PDZRN3: variants seen among roughly 807,000 people sequenced by gnomAD.
PDZRN3 encodes E3 ubiquitin-protein ligase PDZRN3.
Under a neutral mutation model 85.7 loss-of-function variants are expected in PDZRN3, and 38 were observed. The observed-to-expected ratio is 0.44, with a 90% confidence interval of 0.34 to 0.58. PDZRN3 has a LOEUF of 0.58. Among genes scored for constraint, PDZRN3 ranks in the 20% least tolerant of loss-of-function variants. PDZRN3 has a pLI of 0.01. For synonymous variants in PDZRN3, 759 were observed against 638.0 expected, an observed-to-expected ratio of 1.19 and a Z score of -2.86; for missense variants, 1,629 against 1,506.4, an observed-to-expected ratio of 1.08 and a Z score of -1.35.
chr3:73,414,187 G>A (rs970351343), intron 3 of PDZRN3, among the ~76,000 whole-genome samples: 2 of 152,124 alleles, frequency 1.3e-5, no homozygotes, highest in African/African-American at 2.4e-5. Context: ...TTTTTGAAGC[G>A]CCTGAATCTT....
At chr3:73,592,924 A>G (rs996838415) in intron 3 of PDZRN3, among the ~76,000 whole-genome samples, 1 of 152,172 alleles carries the variant, frequency 6.6e-6, no homozygotes, top group South Asian at 2.1e-4. Flanking sequence ...TAGCTCCACA[A>G]TGATGTCTGC....
intron 3 of PDZRN3, among the ~76,000 whole-genome samples, chr3:73,425,017 A>T (rs1344948496): frequency 7.0e-6 from 1 of 143,432 alleles, no homozygotes; most frequent in Non-Finnish European, 1.5e-5. Flanking sequence ...ATCCATCAGT[A>T]TTTTTTTTTT....
At chr3:73,498,461 C>T (rs780359861) in intron 3 of PDZRN3, among the ~76,000 whole-genome samples, 2 of 152,098 alleles carry the variant, frequency 1.3e-5, no homozygotes, top group South Asian at 2.1e-4. Flanking sequence ...GAAAAATGGT[C>T]GAGTACTTTT....
At chr3:73,573,795 A>G (rs1365203837) in intron 3 of PDZRN3, among the ~76,000 whole-genome samples, 1 of 146,632 alleles carries the variant, frequency 6.8e-6, no homozygotes, top group Admixed American at 7.0e-5. Context: ...ACATATACAT[A>G]TACATACACA....
intron 3 of PDZRN3, among the ~76,000 whole-genome samples, chr3:73,525,902 G>A (rs1575709409): frequency 6.6e-6 from 1 of 152,084 alleles, no homozygotes; most frequent in African/African-American, 2.4e-5. Flanking sequence ...TGTTTGCTTC[G>A]CTTCTGTCCT....
chr3:73,520,016 G>A (rs1264436808), intron 3 of PDZRN3, among the ~76,000 whole-genome samples: 1 of 152,138 alleles, frequency 6.6e-6, no homozygotes, highest in East Asian at 1.9e-4. Flanking sequence ...TGCAAAACCT[G>A]CATCCCATCC....
chr3:73,598,428 G>T (rs907809373), intron 3 of PDZRN3, among the ~76,000 whole-genome samples: 13 of 152,208 alleles, frequency 8.5e-5, no homozygotes, highest in African/African-American at 2.9e-4. Flanking sequence ...GGTGGGGTCG[G>T]AAGTTGTAAA....
intron 3 of PDZRN3, among the ~76,000 whole-genome samples, chr3:73,590,287 G>T: frequency 1.7e-5 from 2 of 117,756 alleles, no homozygotes; most frequent in African/African-American, 3.0e-5. Context: ...AAAAAAAAAA[G>T]AAAGAGAATG....
At chr3:73,620,315 A>G (rs1219404699) in intron 1 of PDZRN3, among the ~76,000 whole-genome samples, 1 of 152,234 alleles carries the variant, frequency 6.6e-6, no homozygotes, top group African/African-American at 2.4e-5. Flanking sequence ...CAAGTTTTTC[A>G]ATCAATCCAA....
intron 3 of PDZRN3, among the ~76,000 whole-genome samples, chr3:73,435,451 G>A (rs976472012): frequency 1.3e-5 from 2 of 152,164 alleles, no homozygotes; most frequent in African/African-American, 4.8e-5. Context: ...CCATGAGTAC[G>A]TTATTGGCCC....
At chr3:73,583,796 C>A (rs1418097551) in intron 3 of PDZRN3, among the ~76,000 whole-genome samples, 1 of 152,124 alleles carries the variant, frequency 6.6e-6, no homozygotes, top group Non-Finnish European at 1.5e-5. Context: ...CTGATCCCAC[C>A]TTAGACTCTG....
chr3:73,513,138 C>A (rs1704197933), intron 3 of PDZRN3, among the ~76,000 whole-genome samples: 2 of 152,134 alleles, frequency 1.3e-5, no homozygotes, highest in Non-Finnish European at 2.9e-5. Flanking sequence ...CCACGGACCT[C>A]CAAAGTCGAA....
At chr3:73,420,000 T>C (rs1355308746) in intron 3 of PDZRN3, among the ~76,000 whole-genome samples, 1 of 152,250 alleles carries the variant, frequency 6.6e-6, no homozygotes, top group Non-Finnish European at 1.5e-5. Flanking sequence ...GCTTTCATAC[T>C]TTCCTAAGTG....
At chr3:73,469,744 T>G (rs527990261) in intron 3 of PDZRN3, among the ~76,000 whole-genome samples, 8 of 152,322 alleles carry the variant, frequency 5.3e-5, no homozygotes, top group Non-Finnish European at 1.0e-4. Context: ...TACTTCTGAT[T>G]TGAATGTTTT....
At chr3:73,471,260 C>A (rs1345665717) in intron 3 of PDZRN3, among the ~76,000 whole-genome samples, 1 of 152,062 alleles carries the variant, frequency 6.6e-6, no homozygotes, top group Non-Finnish European at 1.5e-5. Context: ...CCAAAGCTTG[C>A]CGGCAAACCA....
chr3:73,532,426 A>G (rs1341353637), intron 3 of PDZRN3, among the ~76,000 whole-genome samples: 2 of 152,196 alleles, frequency 1.3e-5, no homozygotes, highest in East Asian at 1.9e-4. Context: ...AATAATTTCC[A>G]TCTCTCCAGC....
chr3:73,610,269 TA>T (rs1559757095), intron 1 of PDZRN3, among the ~76,000 whole-genome samples: 2 of 152,130 alleles, frequency 1.3e-5, no homozygotes, highest in Admixed American at 6.5e-5. Context: ...GAATTATATA[TA>T]AAAAAGAAGC....
At chr3:73,574,200 A>G (rs1269974992) in intron 3 of PDZRN3, among the ~76,000 whole-genome samples, 1 of 152,232 alleles carries the variant, frequency 6.6e-6, no homozygotes, top group Non-Finnish European at 1.5e-5. Flanking sequence ...TCAAACATCA[A>G]TTATCTTCTA....
intron 5 of PDZRN3, 116 bp from the exon 6 acceptor site, chr3:73,391,232 C>T: frequency 1.5e-6 from 1 of 678,180 alleles, no homozygotes; most frequent in South Asian, 1.9e-5. Flanking sequence ...TTGCATTCAA[C>T]TGTGTAGGGC....
Sources: allele counts gnomAD v4.1 joint callset (sites outside exome capture counted in the v4.1 genomes callset), GRCh38; gene constraint gnomAD v4.1.1; transcripts MANE v1.5; gene names NCBI Gene and HGNC (gene_info 2026-07-23, HGNC 2026-07-21).